Variants in ALDH1A2 observed in about 807,000 individuals in gnomAD.
The protein encoded by ALDH1A2 is aldehyde dehydrogenase 1 family member A2, also known as retinal dehydrogenase 2.
A neutral mutation model predicts 60.3 loss-of-function variants in ALDH1A2; 27 were observed. That is an observed-to-expected ratio of 0.45 (90% CI 0.33 to 0.62). ALDH1A2 has a LOEUF of 0.62. ALDH1A2 is among the 20% of genes least tolerant of loss of function. The probability of loss-of-function intolerance (pLI) is 0.02; values close to 1 mark genes in which losing one functional copy is unlikely to be tolerated. For missense variants in ALDH1A2, 581 were observed against 643.8 expected (o/e 0.90, Z 1.06); for synonymous variants, 289 against 232.4 (o/e 1.24, Z -2.21).
intron 7 of ALDH1A2, among the ~76,000 whole-genome samples, chr15:57,982,796 G>T (rs1595637111): frequency 1.3e-5 from 2 of 152,160 alleles, no homozygotes; most frequent in East Asian, 1.9e-4. Context: ...GGAAAGCCTA[G>T]TATTTTCTCC....
intron 4 of ALDH1A2, among the ~76,000 whole-genome samples, chr15:57,995,806 A>C (rs761016813): frequency 6.6e-6 from 1 of 152,158 alleles, no homozygotes; most frequent in Non-Finnish European, 1.5e-5. Context: ...AAAGAGCTTC[A>C]GAAAAACTTA....
At chr15:57,992,682 GC>G in intron 7 of ALDH1A2, 22 bp downstream of exon 7, 4 of 1,602,646 alleles carry the variant, frequency 2.5e-6, no homozygotes, top group Non-Finnish European at 3.4e-6. Context: ...TGTTCCTCAA[GC>G]CCTGGTTTTT....
rs767813198 is a variant in ALDH1A2, at chr15:57,963,908, G to A, written c.1063C>T (p.Pro355Ser). ...ACCTGGGGACCCTGCTCAGTGGTGG[G>A]GTCAAAGGGACTCCCCACTACGCGC... ...KRRVVGSPFDPTTEQGPQIDK... is the reference protein window; with the variant it reads ...KRRVVGSPFDSTTEQGPQIDK... The change falls in exon 9 of 13, where the codon CCC (proline) becomes TCC (serine). Residue 355 changes from proline to serine, a missense_variant. Transcript: ENST00000249750. 5.6e-6 allele frequency: 9 copies of A among 1,614,144 alleles called. 1 individual carries two copies. The Admixed American group carries it at 1.5e-4, about 27-fold the overall frequency.
At chr15:57,979,726 GCCT>G (rs1894418416) in intron 7 of ALDH1A2, 1 of 266,976 alleles carries the variant, frequency 3.7e-6, no homozygotes, top group Non-Finnish European at 7.4e-6. Flanking sequence ...TCAGTAGCCA[GCCT>G]CCTCCTGGTA....
intron 1 of ALDH1A2, among the ~76,000 whole-genome samples, chr15:58,018,278 T>A (rs116948088): frequency 0.021 from 3,176 of 152,194 alleles, 56 homozygotes; most frequent in Middle Eastern, 0.075. Flanking sequence ...ATGCTGGTAA[T>A]AGATTATGAC....
chr15:58,023,634 G>C (rs114945639), intron 1 of ALDH1A2, among the ~76,000 whole-genome samples: 109 of 129,736 alleles, frequency 8.4e-4, no homozygotes, highest in Middle Eastern at 5.1e-3. Flanking sequence ...AGAAGAGAAT[G>C]AGATGGTATA....
At chr15:57,962,471 T>C (rs1306939464) in intron 9 of ALDH1A2, among the ~76,000 whole-genome samples, 1 of 152,244 alleles carries the variant, frequency 6.6e-6, no homozygotes, top group Non-Finnish European at 1.5e-5. Flanking sequence ...AGACACTGGC[T>C]AATTTACTAT....
At chr15:58,055,380 A>G (rs893032667) in intron 1 of ALDH1A2, among the ~76,000 whole-genome samples, 15 of 152,152 alleles carry the variant, frequency 9.9e-5, no homozygotes, top group African/African-American at 3.6e-4. Context: ...TTAAGAAAAC[A>G]TTCTTGAAGT....
At chr15:57,964,173 C>T in intron 8 of ALDH1A2, 104 bp from the exon 9 acceptor site, 1 of 1,205,772 alleles carries the variant, frequency 8.3e-7, no homozygotes, top group Non-Finnish European at 1.2e-6. Flanking sequence ...AGTGTGCTCA[C>T]TGCATGACAT....
chr15:58,014,134 G>T, intron 2 of ALDH1A2, 43 bp downstream of exon 2: 2 of 1,614,058 alleles, frequency 1.2e-6, no homozygotes, highest in South Asian at 2.2e-5. Context: ...GCTGTTTGAA[G>T]GCAGTTATTT....
At chr15:57,975,572 A>C (rs1243172967) in intron 7 of ALDH1A2, among the ~76,000 whole-genome samples, 4 of 152,152 alleles carry the variant, frequency 2.6e-5, no homozygotes, top group African/African-American at 9.7e-5. Context: ...AAATGTTTCA[A>C]GTTTTGGGGG....
intron 7 of ALDH1A2, among the ~76,000 whole-genome samples, chr15:57,968,398 G>C (rs60870373): frequency 1.0e-3 from 153 of 152,324 alleles, no homozygotes; most frequent in African/African-American, 3.4e-3. Context: ...GACAGAACCT[G>C]TTGGACTATC....
At chr15:58,020,499 G>A (rs28493562) in intron 1 of ALDH1A2, among the ~76,000 whole-genome samples, 5,489 of 151,892 alleles carry the variant, frequency 0.036, 333 homozygotes, top group African/African-American at 0.12. Flanking sequence ...TAATAGATGT[G>A]GTAAAAACAT....
intron 7 of ALDH1A2, among the ~76,000 whole-genome samples, chr15:57,980,885 T>G (rs1418073729): frequency 6.6e-6 from 1 of 152,210 alleles, no homozygotes. Flanking sequence ...GTACCTCTGA[T>G]AGAATTCAGC....
intron 1 of ALDH1A2, among the ~76,000 whole-genome samples, chr15:58,026,777 G>C (rs1309646907): frequency 6.6e-6 from 1 of 152,230 alleles, no homozygotes. Flanking sequence ...TAGTGCAGCA[G>C]TCTGAGATTG....
rs1370646561 is a variant in ALDH1A2 at position 57,954,396 on chromosome 15, T to C, written c.*801A>G. 1 of 152,802 alleles carries C rather than the reference T, an allele frequency of 6.5e-6. No homozygotes were observed. Among genetic ancestry groups the C allele is most frequent in the African/African-American group, 2.4e-5 (1 of 41,464 alleles). 9.5% of individuals were successfully genotyped at this position (152,802 alleles called of 1,614,324 possible). On this transcript the variant is annotated 3_prime_UTR_variant, in exon 13 of 13. Transcript: ENST00000249750. ...CTTTGGAAAAGATCTTATCTAGCTA[T>C]GAAAAACAACCCACTCCTTGCCTTA...
chr15:58,039,425 G>T (rs1896458485), intron 1 of ALDH1A2, among the ~76,000 whole-genome samples: 1 of 151,684 alleles, frequency 6.6e-6, no homozygotes, highest in South Asian at 2.1e-4. Flanking sequence ...TGTAAATCAT[G>T]TTACAAATTG....
At chr15:58,047,284 G>A (rs1409666072) in intron 1 of ALDH1A2, among the ~76,000 whole-genome samples, 4 of 151,850 alleles carry the variant, frequency 2.6e-5, no homozygotes, top group African/African-American at 9.7e-5. Flanking sequence ...ATTAAACTCT[G>A]CAGTAGATTG....
At chr15:57,985,514 CA>C (rs1433610031) in intron 7 of ALDH1A2, among the ~76,000 whole-genome samples, 1 of 152,130 alleles carries the variant, frequency 6.6e-6, no homozygotes, top group Non-Finnish European at 1.5e-5. Context: ...TGTACAAAAC[CA>C]AGTGGCTGGT....
Sources: allele counts gnomAD v4.1 joint callset (sites outside exome capture counted in the v4.1 genomes callset), GRCh38; gene constraint gnomAD v4.1.1; transcripts MANE v1.5; gene names NCBI Gene and HGNC (gene_info 2026-07-23, HGNC 2026-07-21).